The following TECR variants were observed in gnomAD, a reference collection of about 807,000 sequenced individuals.
TECR encodes the protein trans-2,3-enoyl-CoA reductase.
In TECR, 19 loss-of-function variants were observed where a neutral mutation model predicts 50.6. The ratio of observed to expected loss-of-function variants is 0.38; its 90% CI spans 0.26 to 0.55. The LOEUF (loss-of-function observed/expected upper bound fraction) is 0.55. TECR is among the 20% of genes least tolerant of loss of function. The pLI is 0.79. For synonymous variants in TECR, 168 were observed against 163.5 expected, an observed-to-expected ratio of 1.03 and a Z score of -0.21; for missense variants, 313 against 408.3, an observed-to-expected ratio of 0.77 and a Z score of 2.01.
intron 1 of TECR, among the ~76,000 whole-genome samples, chr19:14,561,217 C>T (rs8111133): frequency 0.045 from 6,924 of 152,240 alleles, 519 homozygotes; most frequent in African/African-American, 0.16. Context: ...TGGCCCCAGC[C>T]CAGAGGTTTG....
intron 1 of TECR, among the ~76,000 whole-genome samples, chr19:14,541,281 A>C (rs2073089276): frequency 6.6e-6 from 1 of 152,100 alleles, no homozygotes; most frequent in Non-Finnish European, 1.5e-5. Flanking sequence ...CTGGCTGGCA[A>C]CTGGCTTCTT....
chr19:14,557,664 C>A (rs1018554171), intron 1 of TECR, among the ~76,000 whole-genome samples: 4 of 151,754 alleles, frequency 2.6e-5, no homozygotes, highest in African/African-American at 9.7e-5. Flanking sequence ...GTTGTCCAGG[C>A]TGGTCTTGAA....
chr19:14,536,496 C>G (rs1257937000), intron 1 of TECR, among the ~76,000 whole-genome samples: 5 of 152,252 alleles, frequency 3.3e-5, no homozygotes, highest in Middle Eastern at 3.4e-3. Flanking sequence ...TCTTGAACTC[C>G]TGACCTTAAG....
At chr19:14,540,592 G>T in intron 1 of TECR, among the ~76,000 whole-genome samples, 2 of 151,584 alleles carry the variant, frequency 1.3e-5, no homozygotes, top group Middle Eastern at 7.0e-3. Flanking sequence ...GGGTTTCATT[G>T]TGTTGGCCAG....
At chr19:14,564,143 G>A (rs1479047895) in intron 6 of TECR, 39 bp from the exon 7 acceptor site, 1 of 1,606,042 alleles carries the variant, frequency 6.2e-7, no homozygotes, top group Non-Finnish European at 8.5e-7. Flanking sequence ...CAGAAGACCT[G>A]CCGGACCAGC....
chr19:14,541,365 G>T (rs2073091558), intron 1 of TECR, among the ~76,000 whole-genome samples: 1 of 152,144 alleles, frequency 6.6e-6, no homozygotes, highest in African/African-American at 2.4e-5. Flanking sequence ...CAACCCTCCT[G>T]GCACAGCGGC....
rs1239428852 is a variant in TECR, at chr19:14,564,081, C to T, written c.367C>T (p.Arg123Trp). Residue 123 changes from arginine (R) to tryptophan (W), a missense_variant, in exon 6 of 13, where the codon CGG (arginine) becomes TGG (tryptophan). Physicochemically the swap from Arg to Trp is moderately radical, Grantham distance 101 (BLOSUM62 -3). Transcript: ENST00000215567. ...CCACAAATATGACTTTACGTCCAGT[C>T]GGCATACAGTGGTGCAGTAAGTGGG... ...YGHKYDFTSSRHTVVHLACIC... is the reference protein window; with the variant it reads ...YGHKYDFTSSWHTVVHLACIC... The T allele has an allele frequency of 4.3e-6, 7 of 1,612,500 alleles. No individual in the cohort carries two copies. Among genetic ancestry groups the T allele is most frequent in the African/African-American group, 1.3e-5 (1 of 74,790 alleles).
intron 1 of TECR, chr19:14,534,000 G>C (rs1484835407): frequency 6.6e-6 from 1 of 152,160 alleles, no homozygotes; most frequent in African/African-American, 2.4e-5. Flanking sequence ...AATTGAGCCT[G>C]TTAATTCCTG....
At chr19:14,535,017 G>C (rs530662984) in intron 1 of TECR, among the ~76,000 whole-genome samples, 1 of 152,288 alleles carries the variant, frequency 6.6e-6, no homozygotes, top group African/African-American at 2.4e-5. Context: ...ACTGCTGGGA[G>C]AGGGTCTTTC....
At chr19:14,548,184 G>C (rs777071934) in intron 1 of TECR, among the ~76,000 whole-genome samples, 1 of 151,698 alleles carries the variant, frequency 6.6e-6, no homozygotes, top group Non-Finnish European at 1.5e-5. Flanking sequence ...GGATCGTGTC[G>C]ATCTCCTGAC....
rs540074207 is a variant in TECR, at chr19:14,540,330, A to C, written c.15+10619A>C. On this transcript the variant is annotated intron_variant, in intron 1 of 12. Coordinates refer to ENST00000215567, the MANE Select transcript of TECR (RefSeq NM_138501.6). ...TGATCCACCCTCCTCAGCCTCCCAA[A>C]GTGTTGGGATTACAGGCGTGAGCCA... Among the ~76,000 whole-genome samples, 219 of 151,582 alleles carry C rather than the reference A, an allele frequency of 1.4e-3. 6 individuals are homozygous for C. In the South Asian group the frequency reaches 0.044, roughly 30 times the overall value.
intron 1 of TECR, chr19:14,561,949 A>C (rs1599494752): frequency 5.4e-6 from 1 of 186,724 alleles, no homozygotes; most frequent in South Asian, 1.2e-4. Flanking sequence ...CTGGCCTCTC[A>C]CTCTCCTCTA....
chr19:14,560,471 T>C (rs2073869995), intron 1 of TECR, among the ~76,000 whole-genome samples: 1 of 152,228 alleles, frequency 6.6e-6, no homozygotes, highest in African/African-American at 2.4e-5. Context: ...CCTGCTGTGC[T>C]AACCCTTTCC....
intron 1 of TECR, among the ~76,000 whole-genome samples, chr19:14,543,413 ATATATATTTTTTTTTTTTTTTTTTTTT>A (rs1304267496): frequency 7.3e-4 from 7 of 9,546 alleles, no homozygotes; most frequent in Non-Finnish European, 1.8e-3. Flanking sequence ...ATATATATAT[ATATATATTTTTTTTTTTTTTTTTTTTT>A]TTTTTTTTTT....
At chr19:14,541,749 G>A (rs2073102828) in intron 1 of TECR, among the ~76,000 whole-genome samples, 1 of 151,784 alleles carries the variant, frequency 6.6e-6, no homozygotes, top group Non-Finnish European at 1.5e-5. Context: ...GCAGGGCTTT[G>A]TAGCCACCCA....
At chr19:14,550,036 G>A (rs368707854) in intron 1 of TECR, among the ~76,000 whole-genome samples, 5 of 151,640 alleles carry the variant, frequency 3.3e-5, no homozygotes, top group East Asian at 3.9e-4. Context: ...CATGTCGCAC[G>A]TCACCTTTGA....
At position 14,540,835 on chromosome 19, in the gene TECR, TTTTG is replaced by T. The variant is rs545326932; in HGVS notation, c.15+11141_15+11144del. 4.3e-3 allele frequency among the ~76,000 whole-genome samples: 647 copies of T among 152,186 alleles called. 10 individuals carry two copies. The highest frequency in any genetic ancestry group is 2.0e-3 in the Non-Finnish European group (134 of 67,994). ...TGTATCACTATGTCTGGCTGCTTTT[TTTTG>T]TTTGTTTGTTTGTTTGAGTTGGAGT... On this transcript the variant is annotated intron_variant, in intron 1 of 12. Transcript: ENST00000215567.
chr19:14,529,332 A>G (rs953218262), upstream of TECR: 7 of 438,790 alleles, frequency 1.6e-5, no homozygotes, highest in Non-Finnish European at 3.0e-5. Flanking sequence ...CAGCGACGCC[A>G]TCAGGGGGCG....
chr19:14,548,659 C>T (rs896027025), intron 1 of TECR, among the ~76,000 whole-genome samples: 2 of 152,000 alleles, frequency 1.3e-5, no homozygotes, highest in East Asian at 1.9e-4. Context: ...CTCACTGCAA[C>T]CTCCGCTTCC....
Sources: allele counts gnomAD v4.1 joint callset (sites outside exome capture counted in the v4.1 genomes callset), GRCh38; gene constraint gnomAD v4.1.1; transcripts MANE v1.5; gene names NCBI Gene and HGNC (gene_info 2026-07-23, HGNC 2026-07-21).